The following DPP10 variants were observed in gnomAD, a reference collection of about 807,000 sequenced individuals.
DPP10 encodes the protein dipeptidyl peptidase like 10, also known as inactive dipeptidyl peptidase 10.
Under a neutral mutation model 120.9 loss-of-function variants are expected in DPP10, and 33 were observed. The ratio of observed to expected loss-of-function variants is 0.27; its 90% CI spans 0.21 to 0.37. DPP10 has a LOEUF of 0.37. Ranked by LOEUF, DPP10 falls within the 10% of genes least tolerant of loss-of-function variation. DPP10 has a pLI of 1.00. For missense variants in DPP10, 816 were observed against 942.8 expected, an observed-to-expected ratio of 0.87 and a Z score of 1.76; for synonymous variants, 337 against 326.1, an observed-to-expected ratio of 1.03 and a Z score of -0.36.
At chr2:115,520,145 C>G (rs796476847) in intron 4 of DPP10, among the ~76,000 whole-genome samples, 1 of 151,972 alleles carries the variant, frequency 6.6e-6, no homozygotes, top group Admixed American at 6.6e-5. Flanking sequence ...AGTGAAACCC[C>G]GTCTCTACTA....
At chr2:114,498,635 T>C (rs1682885944) in intron 1 of DPP10, among the ~76,000 whole-genome samples, 1 of 152,150 alleles carries the variant, frequency 6.6e-6, no homozygotes, top group African/African-American at 2.4e-5. Context: ...ACTGAGCATG[T>C]GAGACAGGGA....
intron 1 of DPP10, among the ~76,000 whole-genome samples, chr2:115,093,841 T>G (rs1389187854): frequency 6.6e-6 from 1 of 152,144 alleles, no homozygotes; most frequent in Non-Finnish European, 1.5e-5. Flanking sequence ...AGTGTAATGA[T>G]TCCATCTTGT....
At chr2:114,502,469 T>TA (rs1456617678) in intron 1 of DPP10, among the ~76,000 whole-genome samples, 3 of 152,194 alleles carry the variant, frequency 2.0e-5, no homozygotes, top group Admixed American at 6.5e-5. Flanking sequence ...ATTTAAAATT[T>TA]AAAAAATCAT....
At chr2:115,766,875 C>T (rs1001835987) in intron 12 of DPP10, among the ~76,000 whole-genome samples, 2 of 152,130 alleles carry the variant, frequency 1.3e-5, no homozygotes, top group African/African-American at 4.8e-5. Context: ...TGAGACAGCA[C>T]CCAGCGGTTA....
At chr2:115,548,531 A>T (rs911826216) in intron 5 of DPP10, among the ~76,000 whole-genome samples, 9 of 152,094 alleles carry the variant, frequency 5.9e-5, no homozygotes, top group African/African-American at 1.9e-4. Flanking sequence ...CAGTGATGCA[A>T]TGAGGAGCTT....
intron 1 of DPP10, among the ~76,000 whole-genome samples, chr2:114,459,158 A>T (rs11689926): frequency 0.54 from 82,864 of 152,062 alleles, 24,703 homozygotes; most frequent in East Asian, 0.7. Flanking sequence ...TGAGTGTTGA[A>T]GATATTGGGT....
At chr2:115,767,880 AAT>A (rs1255923835) in intron 12 of DPP10, among the ~76,000 whole-genome samples, 1 of 152,182 alleles carries the variant, frequency 6.6e-6, no homozygotes, top group Admixed American at 6.6e-5. Context: ...GATTTCAAAA[AAT>A]ATGTTACAGA....
intron 19 of DPP10, among the ~76,000 whole-genome samples, chr2:115,807,113 C>T (rs1225761561): frequency 6.6e-6 from 1 of 152,152 alleles, no homozygotes; most frequent in East Asian, 1.9e-4. Context: ...AAGAAAAGAT[C>T]ATCAAAGCCT....
At chr2:114,930,098 G>A (rs1695957412) in intron 1 of DPP10, among the ~76,000 whole-genome samples, 1 of 152,138 alleles carries the variant, frequency 6.6e-6, no homozygotes, top group African/African-American at 2.4e-5. Context: ...GGCTTGTGAT[G>A]TGGGGGCAGC....
chr2:115,830,611 T>C (rs1389716533), intron 21 of DPP10, among the ~76,000 whole-genome samples: 3 of 152,088 alleles, frequency 2.0e-5, no homozygotes, highest in African/African-American at 7.2e-5. Context: ...ATGGAAAACA[T>C]GTAAACTAAA....
intron 1 of DPP10, among the ~76,000 whole-genome samples, chr2:114,715,309 T>C (rs1426282244): frequency 6.6e-6 from 1 of 152,186 alleles, no homozygotes; most frequent in Non-Finnish European, 1.5e-5. Context: ...TTTTGAATGA[T>C]ATATAGTCTT....
At chr2:115,511,670 A>G (rs1290887600) in intron 4 of DPP10, among the ~76,000 whole-genome samples, 4 of 135,652 alleles carry the variant, frequency 2.9e-5, no homozygotes, top group Admixed American at 7.3e-5. Context: ...TTAATTTGAG[A>G]TATGTATTTT....
At chr2:114,753,273 A>G (rs1376732130) in intron 1 of DPP10, among the ~76,000 whole-genome samples, 6 of 152,198 alleles carry the variant, frequency 3.9e-5, no homozygotes. Context: ...CTAATGTCCA[A>G]GCTTGCCAAC....
At chr2:115,289,570 G>C (rs1343658695) in intron 1 of DPP10, among the ~76,000 whole-genome samples, 2 of 147,938 alleles carry the variant, frequency 1.4e-5, no homozygotes, top group Non-Finnish European at 3.0e-5. Flanking sequence ...AGCAAAGCTG[G>C]AGGCATCACA....
chr2:114,465,167 A>T (rs1479199419), intron 1 of DPP10, among the ~76,000 whole-genome samples: 1 of 152,168 alleles, frequency 6.6e-6, no homozygotes, highest in Non-Finnish European at 1.5e-5. Context: ...AAAGTAACTT[A>T]AGTTTTCTGA....
intron 19 of DPP10, among the ~76,000 whole-genome samples, chr2:115,795,465 G>A (rs1379215678): frequency 6.6e-6 from 1 of 152,052 alleles, no homozygotes; most frequent in Non-Finnish European, 1.5e-5. Context: ...AGAAATTCAT[G>A]GTCATCCATC....
intron 1 of DPP10, among the ~76,000 whole-genome samples, chr2:115,092,001 C>T (rs774399620): frequency 6.6e-6 from 1 of 152,204 alleles, no homozygotes; most frequent in Non-Finnish European, 1.5e-5. Context: ...CTACTGAGTG[C>T]ACACACCGTG....
rs191281348 is a variant in DPP10, at chr2:115,351,751, A to G, written c.271+7839A>G. Among the ~76,000 whole-genome samples the G allele has an allele frequency of 4.9e-3, 745 of 152,250 alleles. 8 individuals are homozygous for G. Among genetic ancestry groups the G allele is most frequent in the African/African-American group, 0.016 (674 of 41,552 alleles). ...AAAACTAAACAAATGCTTAAAAAGC[A>G]TACCATGAAGCATATTTACTTCTCT... is the stretch of plus-strand genomic sequence containing the variant. On this transcript the variant is annotated intron_variant, in intron 3 of 25. Coordinates refer to ENST00000410059, the MANE Select transcript of DPP10 (RefSeq NM_020868.6).
At chr2:115,175,698 G>A (rs1357119061) in intron 1 of DPP10, among the ~76,000 whole-genome samples, 1 of 152,180 alleles carries the variant, frequency 6.6e-6, no homozygotes, top group African/African-American at 2.4e-5. Context: ...AGATGAAAAT[G>A]TTCTGTATTG....
Sources: gnomAD v4.1 joint callset for allele counts (sites outside exome capture counted in the v4.1 genomes callset) on GRCh38, gnomAD v4.1.1 for gene constraint, MANE v1.5 for transcripts, NCBI Gene and HGNC (gene_info 2026-07-23, HGNC 2026-07-21) for gene names.